The following RAD23A variants were observed in gnomAD, a reference collection of about 807,000 sequenced individuals.
The protein encoded by RAD23A is RAD23 nucleotide excision repair protein A, also known as lysine-specific demethylase RAD23A.
Under a neutral mutation model 44.8 loss-of-function variants are expected in RAD23A, and 16 were observed. That is an observed-to-expected ratio of 0.36 (90% CI 0.24 to 0.54). The LOEUF (loss-of-function observed/expected upper bound fraction) is 0.54, where lower values mean the gene tolerates loss of function less well. Ranked by LOEUF, RAD23A falls within the 20% of genes least tolerant of loss-of-function variation. The probability of loss-of-function intolerance (pLI) is 0.89; values close to 1 mark genes in which losing one functional copy is unlikely to be tolerated. For synonymous variants in RAD23A, 217 were observed against 202.9 expected (o/e 1.07, Z -0.59); for missense variants, 380 against 483.3 (o/e 0.79, Z 2.00).
chr19:12,946,236 G>A (rs1478820002), intron 1 of RAD23A, among the ~76,000 whole-genome samples: 1 of 152,194 alleles, frequency 6.6e-6, no homozygotes, highest in Non-Finnish European at 1.5e-5. Context: ...TCCGGGCGAG[G>A]CCCCACCCCC....
At chr19:12,946,418 T>TA (rs1971675430) in intron 1 of RAD23A, among the ~76,000 whole-genome samples, 1 of 152,216 alleles carries the variant, frequency 6.6e-6, no homozygotes, top group South Asian at 2.1e-4. Context: ...GACCAGGAGA[T>TA]ACTGAGTAGT....
At chr19:12,947,794 A>AC in intron 1 of RAD23A, 54 bp from the exon 2 acceptor site, 1 of 1,579,266 alleles carries the variant, frequency 6.3e-7, no homozygotes, top group Non-Finnish European at 8.7e-7. Flanking sequence ...CCTAAACTAG[A>AC]AGGGAAAAGA....
Position 12,946,034 on chromosome 19 carries a change from C to T in RAD23A, c.72+14C>T, listed in dbSNP as rs753615434. 6.9e-6 allele frequency: 6 copies of T among 867,772 alleles called. No homozygotes were observed. Among genetic ancestry groups the T allele is most frequent in the Admixed American group, 6.4e-5 (2 of 31,368 alleles). 53.8% of individuals were successfully genotyped at this position (867,772 alleles called of 1,614,324 possible). Reference sequence around the variant, plus strand: ...CCTGACGAGACGGTGCGGGCCGGGCCGGAGCCCGGGGGCGGGAGCGACGGG... The same window carrying T: ...CCTGACGAGACGGTGCGGGCCGGGCTGGAGCCCGGGGGCGGGAGCGACGGG... On this transcript the variant is annotated intron_variant, in intron 1 of 8. Coordinates refer to ENST00000586534, the MANE Select transcript of RAD23A (RefSeq NM_005053.4).
In RAD23A at chr19:12,951,578, C is replaced by T. The variant is rs45562144; in HGVS notation, c.814-1111C>T. On this transcript the variant is annotated intron_variant, in intron 7 of 8. Transcript: ENST00000586534. ...TCTCCTGCCTCAGCCCCCAGAGTAG[C>T]TGGGATTACAGGCATGTGCCACCAC... Among the ~76,000 whole-genome samples the T allele has an allele frequency of 3.9e-4, 60 of 152,154 alleles. 1 individual carries two copies. The South Asian group carries it at 8.1e-3, about 21-fold the overall frequency.
intron 8 of RAD23A, 31 bp from the exon 9 acceptor site, chr19:12,952,895 CCCTACCCTCT>C (rs762242597): frequency 1.2e-5 from 20 of 1,609,932 alleles, no homozygotes; most frequent in Non-Finnish European, 1.7e-5. Context: ...TGGGCAGGAC[CCCTACCCTCT>C]CCTGCTCACA....
chr19:12,951,814 G>A (rs1278332702), intron 7 of RAD23A, among the ~76,000 whole-genome samples: 3 of 152,194 alleles, frequency 2.0e-5, no homozygotes, highest in Non-Finnish European at 4.4e-5. Context: ...CTTTGCACTT[G>A]CTGTTTGCTT....
intron 7 of RAD23A, among the ~76,000 whole-genome samples, chr19:12,951,399 G>A (rs1971807409): frequency 6.6e-6 from 1 of 152,072 alleles, no homozygotes; most frequent in African/African-American, 2.4e-5. Flanking sequence ...GTCATTGTCT[G>A]CCTCCTCCCC....
rs772809602 is a variant in RAD23A, at chr19:12,952,840, A to C, written c.965A>C (p.Glu322Ala). The C allele has an allele frequency of 3.7e-6, 6 of 1,606,156 alleles. No homozygotes were observed. The highest frequency in any genetic ancestry group is 4.5e-5 in the East Asian group (2 of 44,746). ...NYIQVTPQEK[E>A]AIERLKALGF... ...ATCCAGGTGACGCCGCAGGAGAAAGAAGCTATAGAGAGGGTAAGAGGCCTG... is the reference window on the plus strand; with the variant it reads ...ATCCAGGTGACGCCGCAGGAGAAAGCAGCTATAGAGAGGGTAAGAGGCCTG... The change falls in exon 8 of 9, where the codon GAA becomes GCA. Residue 322 changes from glutamate to alanine, a missense_variant. Physicochemically the swap from Glu to Ala is moderately radical, Grantham distance 107. Coordinates refer to ENST00000586534, the MANE Select transcript of RAD23A (RefSeq NM_005053.4).
At chr19:12,946,084 G>GGGGTTTGGGGGGGGGGGGGGGGGGGGGGC in intron 1 of RAD23A, 64 bp downstream of exon 1, 1 of 512,144 alleles carries the variant, frequency 2.0e-6, no homozygotes. Flanking sequence ...TGGGGGCGGG[G>GGGGTTTGGGGGGGGGGGGGGGGGGGGGGC]AGGCTAGAAT....
At chr19:12,947,042 A>G (rs1259997286) in intron 1 of RAD23A, among the ~76,000 whole-genome samples, 1 of 152,238 alleles carries the variant, frequency 6.6e-6, no homozygotes, top group Non-Finnish European at 1.5e-5. Flanking sequence ...TCTCTACAAA[A>G]AAAAGAAACA....
chr19:12,949,192 G>C, intron 6 of RAD23A, 33 bp downstream of exon 6: 2 of 1,614,086 alleles, frequency 1.2e-6, no homozygotes, highest in South Asian at 1.1e-5. Flanking sequence ...TGCCCTCCAG[G>C]TACCTGACTC....
intron 7 of RAD23A, among the ~76,000 whole-genome samples, chr19:12,950,117 A>C (rs372520191): frequency 6.6e-6 from 1 of 151,054 alleles, no homozygotes; most frequent in Admixed American, 6.6e-5. Flanking sequence ...TGAATGCCAC[A>C]CTCCATGGCT....
At chr19:12,946,048 G>C (rs757888691) in intron 1 of RAD23A, 28 bp downstream of exon 1, 2 of 1,555,976 alleles carry the variant, frequency 1.3e-6, no homozygotes, top group South Asian at 1.1e-5. Context: ...GCCCGGGGGC[G>C]GGAGCGACGG....
chr19:12,945,875 G>A lies in RAD23A; in HGVS notation c.-74G>A. The A allele has an allele frequency of 6.6e-7, 1 of 1,517,694 alleles. No homozygotes were observed. Among genetic ancestry groups the A allele is most frequent in the Non-Finnish European group, 9.0e-7 (1 of 1,108,062 alleles). 94.0% of individuals were successfully genotyped at this position (1,517,694 alleles called of 1,614,324 possible). ...TCGGCGCGCGGCGCGGCGCGCCTGG[G>A]CGCTAAGATGGCGGCGGCGTGAGTT... On this transcript the variant is annotated 5_prime_UTR_variant, in exon 1 of 9. Coordinates refer to ENST00000586534, the MANE Select transcript of RAD23A (RefSeq NM_005053.4).
Position 12,948,612 on chromosome 19 carries a change from G to T in RAD23A, c.472+60G>T. 2 of 1,577,958 alleles carry T rather than the reference G, an allele frequency of 1.3e-6. No homozygotes were observed. Among genetic ancestry groups the T allele is most frequent in the Admixed American group, 1.8e-5 (1 of 54,842 alleles). On this transcript the variant is annotated intron_variant, in intron 4 of 8. Coordinates refer to ENST00000586534, the MANE Select transcript of RAD23A (RefSeq NM_005053.4). The surrounding 1 kb of genome is among the most constrained non-coding windows in gnomAD (Gnocchi z 5.5). ...GTGCCCCAGCCATCAGCTGGGCCTT[G>T]TCTGGGTGCGGGAGGGCCTGGGAGC...
chr19:12,949,964 C>T (rs1010264502), intron 7 of RAD23A, among the ~76,000 whole-genome samples: 3 of 151,876 alleles, frequency 2.0e-5, no homozygotes, highest in African/African-American at 7.3e-5. Flanking sequence ...CTGTCTGACC[C>T]TTCTCCTCTC....
chr19:12,947,994 C>T lies in RAD23A; in HGVS notation c.219C>T (p.Val73=). ...DYRIDEKNFV[V]VMVTKTKAGQ... is the part of the protein sequence containing the mutation. The stretch of plus-strand genomic sequence containing the variant: ...GCATCGATGAGAAGAACTTTGTGGT[C>T]GTCATGGTGACCAAGGTGGGTGACG... The change falls in exon 2 of 9, where the codon GTC becomes GTT. Residue 73 remains valine (V), a synonymous_variant. Coordinates refer to ENST00000586534, the MANE Select transcript of RAD23A (RefSeq NM_005053.4). The T allele has an allele frequency of 3.1e-6, 5 of 1,613,466 alleles. No homozygotes were observed. The highest frequency in any genetic ancestry group is 4.2e-6 in the Non-Finnish European group (5 of 1,179,962).
At chr19:12,946,299 A>G (rs997249247) in intron 1 of RAD23A, among the ~76,000 whole-genome samples, 1 of 151,950 alleles carries the variant, frequency 6.6e-6, no homozygotes, top group African/African-American at 2.4e-5. Context: ...GGGGCGCGGG[A>G]GTCACAAGCT....
chr19:12,945,920 CG>C lies in RAD23A; in HGVS notation c.-25del. The C allele has an allele frequency of 1.2e-6, 2 of 1,605,806 alleles. No homozygotes were observed. Among genetic ancestry groups the C allele is most frequent in the Non-Finnish European group, 8.5e-7 (1 of 1,177,266 alleles). The stretch of plus-strand genomic sequence containing the variant: ...TGAGTTGCATGTTGTGTGAGGATCC[CG>C]GGGCCGCCGCGTCGCTCGGGCCCCG... On this transcript the variant is annotated 5_prime_UTR_variant, in exon 1 of 9. Transcript: ENST00000586534.
Sources: gnomAD v4.1 joint callset for allele counts (sites outside exome capture counted in the v4.1 genomes callset) on GRCh38, gnomAD v4.1.1 for gene constraint, Gnocchi (gnomAD v3.1) non-coding constraint, MANE v1.5 for transcripts, NCBI Gene and HGNC (gene_info 2026-07-23, HGNC 2026-07-21) for gene names.